MAGI2: variants seen among roughly 807,000 people sequenced by gnomAD.
MAGI2 encodes the protein membrane associated guanylate kinase, WW and PDZ domain containing 2, also known as membrane-associated guanylate kinase, WW and PDZ domain-containing protein 2.
In MAGI2, 35 loss-of-function variants were observed where a neutral mutation model predicts 133.3. The ratio of observed to expected loss-of-function variants is 0.26; its 90% CI spans 0.20 to 0.35. The LOEUF is 0.35. Ranked by LOEUF, MAGI2 falls within the 10% of genes least tolerant of loss-of-function variation. The pLI is 1.00. For synonymous variants in MAGI2, 729 were observed against 710.6 expected, an observed-to-expected ratio of 1.03 and a Z score of -0.41; for missense variants, 1,636 against 1,863.4, an observed-to-expected ratio of 0.88 and a Z score of 2.25.
At chr7:78,418,085 C>T (rs4730285) in intron 6 of MAGI2, among the ~76,000 whole-genome samples, 145,177 of 152,188 alleles carry the variant, frequency 0.95, 69,332 homozygotes, top group East Asian at 1. Flanking sequence ...GCCCAGGAGT[C>T]TGGGGTTGCA....
intron 1 of MAGI2, among the ~76,000 whole-genome samples, chr7:79,010,236 T>TATGC (rs10674392): frequency 0.015 from 1 of 66 alleles, no homozygotes; most frequent in Non-Finnish European, 0.036. Context: ...TACATATGTA[T>TATGC]ATGTATGTAT....
intron 14 of MAGI2, among the ~76,000 whole-genome samples, chr7:78,173,724 A>G (rs1421809979): frequency 1.3e-5 from 2 of 152,110 alleles, no homozygotes; most frequent in South Asian, 2.1e-4. Context: ...CATCTTTCCA[A>G]TGTCTTTTAA....
intron 2 of MAGI2, among the ~76,000 whole-genome samples, chr7:78,652,544 T>A (rs910080802): frequency 2.0e-5 from 3 of 152,146 alleles, no homozygotes; most frequent in Non-Finnish European, 4.4e-5. Context: ...ATTTAATAAA[T>A]GGTGTAGGGA....
chr7:78,182,017 G>T (rs578053043), intron 13 of MAGI2, among the ~76,000 whole-genome samples: 1 of 152,214 alleles, frequency 6.6e-6, no homozygotes, highest in East Asian at 1.9e-4. Flanking sequence ...AATTAATTTG[G>T]CATATGGGAT....
chr7:78,298,162 T>C (rs1202076736), intron 9 of MAGI2, among the ~76,000 whole-genome samples: 1 of 152,028 alleles, frequency 6.6e-6, no homozygotes, highest in Non-Finnish European at 1.5e-5. Context: ...AAATCTCAAA[T>C]TGGGGAGCAT....
intron 1 of MAGI2, among the ~76,000 whole-genome samples, chr7:79,183,917 A>C (rs1216312830): frequency 6.6e-6 from 1 of 151,868 alleles, no homozygotes; most frequent in Non-Finnish European, 1.5e-5. Context: ...TCTTATTTGT[A>C]TACAGAATTT....
intron 10 of MAGI2, chr7:78,252,025 C>G (rs1391767022): frequency 6.6e-6 from 1 of 151,576 alleles, no homozygotes; most frequent in Non-Finnish European, 1.5e-5. Flanking sequence ...TGTAGTCCTA[C>G]CTACTGGAGA....
At chr7:78,484,924 C>T (rs1264420263) in intron 6 of MAGI2, 1 of 118,814 alleles carries the variant, frequency 8.4e-6, no homozygotes, top group African/African-American at 3.8e-5. Context: ...TTTCCTGACT[C>T]CAAATCTTAA....
At chr7:79,333,004 G>A (rs2129092233) in intron 1 of MAGI2, among the ~76,000 whole-genome samples, 1 of 152,238 alleles carries the variant, frequency 6.6e-6, no homozygotes, top group South Asian at 2.1e-4. Flanking sequence ...TGGGCAGGCT[G>A]ACGAAAAGAT....
At chr7:78,868,522 G>A (rs1794764804) in intron 2 of MAGI2, among the ~76,000 whole-genome samples, 1 of 152,088 alleles carries the variant, frequency 6.6e-6, no homozygotes, top group Non-Finnish European at 1.5e-5. Flanking sequence ...TTAAAATTTA[G>A]CTATTGTAAA....
intron 2 of MAGI2, among the ~76,000 whole-genome samples, chr7:78,696,594 C>T (rs1817536980): frequency 6.6e-6 from 1 of 151,982 alleles, no homozygotes; most frequent in Admixed American, 6.5e-5. Context: ...ATCAGGTTTC[C>T]TAAGACTTTC....
At position 78,330,422 on chromosome 7, in the gene MAGI2, C is replaced by T. The variant is rs1479695061; in HGVS notation, c.1408+13356G>A. Among the ~76,000 whole-genome samples, 5 of 41,974 alleles carry T rather than the reference C, an allele frequency of 1.2e-4. 1 individual carries two copies. Among genetic ancestry groups the T allele is most frequent in the Admixed American group, 3.9e-4 (2 of 5,176 alleles). 27.5% of individuals were successfully genotyped at this position (41,974 alleles called of 152,430 possible). ...CACGAGGTCAGGAGATCGAGACCAT[C>T]CTGGCTAACACGGTGAAACCCTGTC... is the stretch of plus-strand genomic sequence containing the variant. On this transcript the variant is annotated intron_variant, in intron 9 of 21. Coordinates refer to ENST00000354212, the MANE Select transcript of MAGI2 (RefSeq NM_012301.4).
At chr7:78,850,424 T>G (rs576744) in intron 2 of MAGI2, among the ~76,000 whole-genome samples, 95,909 of 151,922 alleles carry the variant, frequency 0.63, 31,179 homozygotes, top group East Asian at 0.74. Context: ...GGCATTATTA[T>G]AATTAAAAGT....
chr7:79,340,341 GTTTGT>G (rs966969943), intron 1 of MAGI2, among the ~76,000 whole-genome samples: 19 of 152,014 alleles, frequency 1.2e-4, no homozygotes, highest in African/African-American at 4.3e-4. Context: ...TGTGATTTTA[GTTTGT>G]TTTGTTTGTG....
chr7:78,866,487 G>C (rs1357918845), intron 2 of MAGI2, among the ~76,000 whole-genome samples: 1 of 151,996 alleles, frequency 6.6e-6, no homozygotes, highest in Non-Finnish European at 1.5e-5. Context: ...AAGACCATTA[G>C]TCAAGTTTCT....
intron 10 of MAGI2, among the ~76,000 whole-genome samples, chr7:78,218,883 C>T (rs1023265486): frequency 5.9e-5 from 9 of 152,310 alleles, no homozygotes; most frequent in South Asian, 2.1e-4. Context: ...AGCCCAACAG[C>T]GCCTCTTCAC....
chr7:79,010,183 T>G (rs943738570), intron 1 of MAGI2, among the ~76,000 whole-genome samples: 1 of 152,070 alleles, frequency 6.6e-6, no homozygotes, highest in African/African-American at 2.4e-5. Context: ...TGCATGTATA[T>G]GTACAGTATG....
At chr7:78,030,652 A>G (rs1245438450) in intron 21 of MAGI2, among the ~76,000 whole-genome samples, 1 of 152,212 alleles carries the variant, frequency 6.6e-6, no homozygotes, top group Non-Finnish European at 1.5e-5. Flanking sequence ...TCAGTAGTAG[A>G]AAAATAAAAA....
chr7:78,244,710 T>C (rs999462858), intron 10 of MAGI2, among the ~76,000 whole-genome samples: 5 of 152,184 alleles, frequency 3.3e-5, no homozygotes, highest in African/African-American at 9.7e-5. Flanking sequence ...ATAAGCATAA[T>C]ATGATTGAAC....
Sources: gnomAD v4.1 joint callset for allele counts (sites outside exome capture counted in the v4.1 genomes callset) on GRCh38, gnomAD v4.1.1 for gene constraint, MANE v1.5 for transcripts, NCBI Gene and HGNC (gene_info 2026-07-23, HGNC 2026-07-21) for gene names.